Variants in ANXA5 observed in about 807,000 individuals in gnomAD.
The protein encoded by ANXA5 is CBP-I.
ANXA5 carries 40 observed loss-of-function variants against 48.1 expected under a neutral mutation model. The observed-to-expected ratio is 0.83, with a 90% CI of 0.65 to 1.08. ANXA5 has a LOEUF of 1.08. Ranked by LOEUF, ANXA5 falls within the 50% of genes least tolerant of loss-of-function variation. ANXA5 has a pLI of 0.00. For missense variants in ANXA5, 357 were observed against 376.8 expected (o/e 0.95, Z 0.44); for synonymous variants, 113 against 129.1 (o/e 0.88, Z 0.85).
At chr4:121,687,885 T>C (rs1326761148) in intron 2 of ANXA5, among the ~76,000 whole-genome samples, 1 of 152,196 alleles carries the variant, frequency 6.6e-6, no homozygotes, top group Admixed American at 6.5e-5. Context: ...AGCAAGAAGC[T>C]TGCTAAGTCA....
chr4:121,680,659 C>A (rs73844251), intron 6 of ANXA5, among the ~76,000 whole-genome samples: 2,795 of 152,206 alleles, frequency 0.018, 92 homozygotes, highest in African/African-American at 0.064. Flanking sequence ...AGTTATTACC[C>A]CCTTTGAGCA....
At chr4:121,681,345 T>A (rs1017076681) in intron 6 of ANXA5, 1 of 176,462 alleles carries the variant, frequency 5.7e-6, no homozygotes, top group Non-Finnish European at 1.2e-5. Flanking sequence ...AGCTAAATAT[T>A]TTTAAAGGAG....
chr4:121,669,898 G>T (rs1007602770), intron 11 of ANXA5, 56 bp downstream of exon 11: 5 of 1,478,762 alleles, frequency 3.4e-6, no homozygotes, highest in Non-Finnish European at 4.6e-6. Flanking sequence ...CAAAAGTGAA[G>T]AATAATAATT....
chr4:121,675,135 G>A (rs1189085366), intron 8 of ANXA5, among the ~76,000 whole-genome samples: 1 of 152,108 alleles, frequency 6.6e-6, no homozygotes, highest in Non-Finnish European at 1.5e-5. Context: ...ATAAAACAAG[G>A]ATTTACTGGG....
chr4:121,668,653 T>C (rs1724561221), intron 12 of ANXA5, 126 bp from the exon 13 acceptor site: 16 of 742,312 alleles, frequency 2.2e-5, no homozygotes, highest in South Asian at 1.9e-4. Context: ...CTCTGTGACT[T>C]TCACATCAGG....
chr4:121,692,330 G>A (rs2110492065), intron 2 of ANXA5, among the ~76,000 whole-genome samples: 1 of 152,312 alleles, frequency 6.6e-6, no homozygotes. Flanking sequence ...TTAATGTTGT[G>A]TCTCTTTACC....
At chr4:121,678,570 A>T (rs979485608) in intron 6 of ANXA5, 76 bp from the exon 7 acceptor site, 119 of 1,162,240 alleles carry the variant, frequency 1.0e-4, no homozygotes, top group Non-Finnish European at 1.5e-4. Flanking sequence ...TAATCAAATG[A>T]AAGCGATGTA....
chr4:121,686,812 G>A (rs577641075), intron 2 of ANXA5, among the ~76,000 whole-genome samples: 4 of 152,186 alleles, frequency 2.6e-5, no homozygotes, highest in Middle Eastern at 3.4e-3. Context: ...TCCTGTTTCT[G>A]TATACATACT....
At chr4:121,680,022 G>GCCTAACTAAA (rs2110483852) in intron 6 of ANXA5, among the ~76,000 whole-genome samples, 1 of 152,180 alleles carries the variant, frequency 6.6e-6, no homozygotes, top group South Asian at 2.1e-4. Flanking sequence ...TGTATGCTTT[G>GCCTAACTAAA]ACCAATATTT....
chr4:121,696,495 G>A, intron 2 of ANXA5, 86 bp downstream of exon 2: 2 of 1,241,680 alleles, frequency 1.6e-6, no homozygotes, highest in Non-Finnish European at 2.1e-6. Flanking sequence ...TAAACTTTTT[G>A]GCTCTCAGAC....
In ANXA5 at chr4:121,668,514, C is replaced by G. The variant is rs1489902665; in HGVS notation, c.917G>C (p.Gly306Ala). ...LYSMIKGDTS[G>A]DYKKALLLLC... The stretch of plus-strand genomic sequence containing the variant: ...CAGCAGAAGAGCTTTCTTATAGTCC[C>G]CAGATGTATCTCCCTGAAACCAAAT... Residue 306 changes from glycine to alanine, a missense_variant, in exon 13 of 13, where the codon GGG becomes GCG. Transcript: ENST00000296511. The G allele has an allele frequency of 6.2e-7, 1 of 1,613,230 alleles. No individual in the cohort carries two copies. The highest frequency in any genetic ancestry group is 8.5e-7 in the Non-Finnish European group (1 of 1,179,520).
intron 7 of ANXA5, 187 bp downstream of exon 7, chr4:121,678,228 T>G (rs1489965545): frequency 1.6e-6 from 1 of 617,624 alleles, no homozygotes; most frequent in Non-Finnish European, 2.8e-6. Context: ...AGTTAGCTGT[T>G]AAGAATTTAG....
At chr4:121,695,677 A>G (rs1725066907) in intron 2 of ANXA5, among the ~76,000 whole-genome samples, 1 of 152,078 alleles carries the variant, frequency 6.6e-6, no homozygotes, top group Non-Finnish European at 1.5e-5. Flanking sequence ...CCGAGGCGGG[A>G]GGATCACTTG....
At chr4:121,669,782 C>T (rs1345212488) in intron 11 of ANXA5, 58 bp from the exon 12 acceptor site, 1 of 1,564,148 alleles carries the variant, frequency 6.4e-7, no homozygotes, top group East Asian at 2.2e-5. Context: ...AACATAGGAT[C>T]AAATGCTCCC....
intron 2 of ANXA5, among the ~76,000 whole-genome samples, chr4:121,694,182 G>T (rs898999584): frequency 6.6e-6 from 1 of 150,494 alleles, no homozygotes; most frequent in Non-Finnish European, 1.5e-5. Context: ...CACCAACATG[G>T]CACCATGTAT....
At chr4:121,685,051 T>TATATAC (rs1274453648) in intron 3 of ANXA5, among the ~76,000 whole-genome samples, 2 of 145,740 alleles carry the variant, frequency 1.4e-5, no homozygotes, top group Non-Finnish European at 3.0e-5. Flanking sequence ...TATATATATA[T>TATATAC]ACACACACAC....
intron 2 of ANXA5, among the ~76,000 whole-genome samples, chr4:121,694,118 G>C (rs984246819): frequency 1.2e-4 from 13 of 104,516 alleles, no homozygotes; most frequent in Admixed American, 2.0e-4. Context: ...GGAGGGGGGA[G>C]GGATAGCATT....
intron 8 of ANXA5, among the ~76,000 whole-genome samples, chr4:121,675,469 T>C (rs1248629249): frequency 2.0e-5 from 3 of 152,228 alleles, no homozygotes; most frequent in Non-Finnish European, 1.5e-5. Context: ...CAAAAGATTA[T>C]TTGTTTTCAA....
At chr4:121,684,532 AGAG>A (rs1372579953) in intron 4 of ANXA5, 142 bp downstream of exon 4, 2 of 658,564 alleles carry the variant, frequency 3.0e-6, no homozygotes, top group Non-Finnish European at 5.1e-6. Context: ...CTGATAATTT[AGAG>A]GAGAGTGGAA....
Sources: allele counts gnomAD v4.1 joint callset (sites outside exome capture counted in the v4.1 genomes callset), GRCh38; gene constraint gnomAD v4.1.1; transcripts MANE v1.5; gene names NCBI Gene and HGNC (gene_info 2026-07-23, HGNC 2026-07-21).